PHF21A: variants seen among roughly 807,000 people sequenced by gnomAD.
The protein encoded by PHF21A is PHD finger protein 21A.
In PHF21A, 11 loss-of-function variants were observed where a neutral mutation model predicts 82.5. The ratio of observed to expected loss-of-function variants is 0.13; its 90% CI spans 0.08 to 0.22. PHF21A has a LOEUF of 0.22. PHF21A is among the 10% of genes least tolerant of loss of function. The pLI, the probability that PHF21A is intolerant of heterozygous loss-of-function variation, is 1.00. For synonymous variants in PHF21A, 297 were observed against 302.8 expected, an observed-to-expected ratio of 0.98 and a Z score of 0.20; for missense variants, 579 against 837.8, an observed-to-expected ratio of 0.69 and a Z score of 3.81.
At chr11:46,034,254 T>C (rs1237401492) in intron 6 of PHF21A, among the ~76,000 whole-genome samples, 1 of 145,474 alleles carries the variant, frequency 6.9e-6, no homozygotes, top group African/African-American at 2.5e-5. Flanking sequence ...CTTGGGAGGC[T>C]CATACTTTTC....
chr11:46,001,043 CACTCTAA>C (rs1454565373), intron 6 of PHF21A, among the ~76,000 whole-genome samples: 2 of 151,998 alleles, frequency 1.3e-5, no homozygotes, highest in Admixed American at 6.6e-5. Flanking sequence ...AAGAATGTGA[CACTCTAA>C]ACTCTAAGTA....
At chr11:46,016,105 A>C (rs1372929210) in intron 6 of PHF21A, among the ~76,000 whole-genome samples, 2 of 152,208 alleles carry the variant, frequency 1.3e-5, no homozygotes, top group African/African-American at 4.8e-5. Flanking sequence ...AAACATGAGT[A>C]ATGTATTACG....
In PHF21A at chr11:46,003,202, T is replaced by A. The variant is rs150902436; in HGVS notation, c.154-23236A>T. Among the ~76,000 whole-genome samples the A allele has an allele frequency of 4.4e-3, 667 of 151,786 alleles. 5 individuals are homozygous for A. The highest frequency in any genetic ancestry group is 0.015 in the African/African-American group (619 of 41,390). On this transcript the variant is annotated intron_variant, in intron 6 of 18. Coordinates refer to ENST00000676320, the MANE Select transcript of PHF21A (RefSeq NM_001352027.3). ...TTGCTTTGAAAAGAAAATCTGTATATGAGAGTGCCACTAAAAAAAGTCCTA... is the reference window on the plus strand; with the variant it reads ...TTGCTTTGAAAAGAAAATCTGTATAAGAGAGTGCCACTAAAAAAAGTCCTA...
intron 11 of PHF21A, among the ~76,000 whole-genome samples, chr11:45,951,456 A>C (rs2092099789): frequency 6.6e-6 from 1 of 152,218 alleles, no homozygotes; most frequent in Non-Finnish European, 1.5e-5. Context: ...TTATTTCAAA[A>C]ACTGAGATGG....
chr11:46,060,020 G>A (rs1199804632), intron 6 of PHF21A, among the ~76,000 whole-genome samples: 1 of 152,090 alleles, frequency 6.6e-6, no homozygotes, highest in Non-Finnish European at 1.5e-5. Context: ...TGGGATTACA[G>A]GCGTGAGCCA....
At chr11:46,076,611 G>A (rs1480232153) in intron 6 of PHF21A, 143 bp downstream of exon 6, 5 of 629,324 alleles carry the variant, frequency 7.9e-6, no homozygotes, top group Non-Finnish European at 5.6e-6. Context: ...GATAAACAGA[G>A]CTCAAACAAA....
At chr11:45,962,471 C>T (rs760712574) in intron 10 of PHF21A, among the ~76,000 whole-genome samples, 6 of 152,002 alleles carry the variant, frequency 3.9e-5, no homozygotes, top group Non-Finnish European at 8.8e-5. Context: ...TAAGAGAATC[C>T]TGAGAATGCA....
intron 1 of PHF21A, among the ~76,000 whole-genome samples, chr11:46,092,759 CTTTTTT>C (rs10681499): frequency 7.4e-6 from 1 of 135,638 alleles, no homozygotes; most frequent in Non-Finnish European, 1.5e-5. Flanking sequence ...TGTGTCTCAC[CTTTTTT>C]TTTTTTTTTT....
intron 6 of PHF21A, among the ~76,000 whole-genome samples, chr11:46,045,149 TTC>T (rs2096236935): frequency 6.6e-6 from 1 of 152,220 alleles, no homozygotes; most frequent in South Asian, 2.1e-4. Flanking sequence ...CCTCCATTCT[TTC>T]TGTTTCTGGA....
At chr11:45,940,402 G>A (rs1165829934) in intron 15 of PHF21A, among the ~76,000 whole-genome samples, 2 of 152,062 alleles carry the variant, frequency 1.3e-5, no homozygotes, top group Non-Finnish European at 2.9e-5. Context: ...CACCATGTTG[G>A]TCAGGCTGGT....
At chr11:46,036,831 A>G (rs146775738) in intron 6 of PHF21A, among the ~76,000 whole-genome samples, 1 of 152,328 alleles carries the variant, frequency 6.6e-6, no homozygotes, top group African/African-American at 2.4e-5. Flanking sequence ...ATCTGCAAAT[A>G]ATGATGATAT....
At chr11:45,959,106 G>T (rs1417917021) in intron 10 of PHF21A, among the ~76,000 whole-genome samples, 1 of 152,070 alleles carries the variant, frequency 6.6e-6, no homozygotes, top group Non-Finnish European at 1.5e-5. Context: ...GTGGTTCAAT[G>T]TAAGAAAATC....
At chr11:45,962,027 G>A (rs2093117850) in intron 10 of PHF21A, among the ~76,000 whole-genome samples, 1 of 152,116 alleles carries the variant, frequency 6.6e-6, no homozygotes, top group Admixed American at 6.5e-5. Context: ...TGTTATAACT[G>A]GCATTGCCTT....
chr11:46,009,301 C>T (rs1419140621), intron 6 of PHF21A, among the ~76,000 whole-genome samples: 1 of 152,056 alleles, frequency 6.6e-6, no homozygotes, highest in Admixed American at 6.6e-5. Flanking sequence ...ACCTTCTGTT[C>T]ATGATGTTCC....
At chr11:46,114,883 A>C (rs1184011971) in intron 1 of PHF21A, among the ~76,000 whole-genome samples, 1 of 152,160 alleles carries the variant, frequency 6.6e-6, no homozygotes, top group Non-Finnish European at 1.5e-5. Flanking sequence ...AATAAAACAA[A>C]ACCCATCTTT....
intron 6 of PHF21A, among the ~76,000 whole-genome samples, chr11:46,048,422 G>T (rs181566461): frequency 4.5e-4 from 68 of 152,084 alleles, no homozygotes; most frequent in Admixed American, 1.6e-3. Flanking sequence ...CAGTTTATGG[G>T]TTGTTTCCAC....
chr11:45,962,884 C>T (rs559096012), intron 10 of PHF21A, among the ~76,000 whole-genome samples: 10 of 151,334 alleles, frequency 6.6e-5, no homozygotes, highest in African/African-American at 2.4e-4. Context: ...CAGAGCGAGA[C>T]TCTGTCTCAA....
rs2093378945 is a variant in PHF21A, at chr11:45,965,503, A to C, written c.808T>G (p.Phe270Val). The stretch of plus-strand genomic sequence containing the variant: ...GATGTGGGAAGGGTTGTGGGGGTGA[A>C]CTTGGTCAGCATGACGGGCCTCTGG... ...LIQRPVMLTK[F>V]TPTTLPTSQN... Residue 270 changes from phenylalanine (F) to valine (V), a missense_variant, in exon 10 of 19, where the codon TTC becomes GTC. Phe to Val is a conservative substitution (Grantham distance 50). This residue lies in a region of PHF21A where 410 missense variants were observed against 642.1 expected (regional missense o/e 0.64). Coordinates refer to ENST00000676320, the MANE Select transcript of PHF21A (RefSeq NM_001352027.3). 6.2e-7 allele frequency: 1 copy of C among 1,612,898 alleles called. No individual in the cohort carries two copies.
intron 6 of PHF21A, among the ~76,000 whole-genome samples, chr11:46,042,140 AT>A (rs1425879902): frequency 7.2e-5 from 11 of 152,138 alleles, no homozygotes; most frequent in Admixed American, 7.2e-4. Flanking sequence ...TATCCTGGTT[AT>A]TTTTTAGGGT....
Sources: gnomAD v4.1 joint callset for allele counts (sites outside exome capture counted in the v4.1 genomes callset) on GRCh38, gnomAD v4.1.1 for gene constraint, gnomAD v4.1.1 regional missense constraint, MANE v1.5 for transcripts, NCBI Gene and HGNC (gene_info 2026-07-23, HGNC 2026-07-21) for gene names.